The following GABBR2 variants were observed in gnomAD, a reference collection of about 807,000 sequenced individuals.
GABBR2 encodes G-protein coupled receptor 51.
A neutral mutation model predicts 105.6 loss-of-function variants in GABBR2; 23 were observed. The observed-to-expected ratio is 0.22, with a 90% CI of 0.16 to 0.31. GABBR2 has a LOEUF of 0.31. Among genes scored for constraint, GABBR2 ranks in the 10% least tolerant of loss-of-function variants. The pLI is 1.00. For synonymous variants in GABBR2, 478 were observed against 499.7 expected (o/e 0.96, Z 0.58); for missense variants, 734 against 1,245.5 (o/e 0.59, Z 6.18).
rs893639800 is a variant in GABBR2 at position 98,652,570 on chromosome 9, A to C, written c.321+55847T>G. Among the ~76,000 whole-genome samples, 19 of 152,278 alleles carry C rather than the reference A, an allele frequency of 1.2e-4. 1 individual carries two copies. Among genetic ancestry groups the C allele is most frequent in the Admixed American group, 1.0e-3 (16 of 15,304 alleles). ...AGCTCCCAGCCTCCTCATGCTCTAGAAAAAGCTCTGCCTTCTCCCACACCC... is the reference window on the plus strand; with the variant it reads ...AGCTCCCAGCCTCCTCATGCTCTAGCAAAAGCTCTGCCTTCTCCCACACCC... On this transcript the variant is annotated intron_variant, in intron 1 of 18. Transcript: ENST00000259455.
chr9:98,498,772 A>G (rs1323735859), intron 3 of GABBR2, among the ~76,000 whole-genome samples: 1 of 152,152 alleles, frequency 6.6e-6, no homozygotes, highest in Admixed American at 6.5e-5. Context: ...AATGGGGGGA[A>G]AAAGTTAACT....
At chr9:98,403,213 G>A (rs1347153552) in intron 8 of GABBR2, among the ~76,000 whole-genome samples, 2 of 139,774 alleles carry the variant, frequency 1.4e-5, no homozygotes, top group African/African-American at 5.4e-5. Flanking sequence ...AGAATCACTC[G>A]AACCCAGGAG....
chr9:98,573,036 C>T (rs932949247), intron 2 of GABBR2, among the ~76,000 whole-genome samples: 3 of 152,212 alleles, frequency 2.0e-5, no homozygotes, highest in African/African-American at 7.2e-5. Flanking sequence ...GTCCACCGCC[C>T]TCCCTGCCCT....
At chr9:98,375,094 G>A (rs1431263557) in intron 11 of GABBR2, 2 of 152,226 alleles carry the variant, frequency 1.3e-5, no homozygotes, top group African/African-American at 2.4e-5. Context: ...GCCCCACAGA[G>A]CCCTCAGGTT....
At chr9:98,647,609 C>T (rs72743828) in intron 1 of GABBR2, among the ~76,000 whole-genome samples, 11,426 of 152,212 alleles carry the variant, frequency 0.075, 468 homozygotes, top group African/African-American at 0.09. Flanking sequence ...CGGGTTGTGC[C>T]CTATCCCCCT....
At chr9:98,572,455 TACA>T (rs769686655) in intron 2 of GABBR2, among the ~76,000 whole-genome samples, 1 of 152,196 alleles carries the variant, frequency 6.6e-6, no homozygotes, top group Non-Finnish European at 1.5e-5. Context: ...CCTTTTCAAT[TACA>T]CAAATTCCAT....
intron 1 of GABBR2, among the ~76,000 whole-genome samples, chr9:98,615,669 G>A (rs765773543): frequency 1.3e-5 from 2 of 152,066 alleles, no homozygotes; most frequent in South Asian, 2.1e-4. Flanking sequence ...AATCGGTGTC[G>A]ACCCCCTGCT....
At chr9:98,575,930 C>T (rs1245234252) in intron 2 of GABBR2, among the ~76,000 whole-genome samples, 2 of 152,202 alleles carry the variant, frequency 1.3e-5, no homozygotes, top group Admixed American at 6.5e-5. Flanking sequence ...TCTGCAGCGG[C>T]GCTCTCCCCC....
intron 3 of GABBR2, 27 bp downstream of exon 3, chr9:98,541,846 G>T: frequency 6.2e-7 from 1 of 1,610,678 alleles, no homozygotes; most frequent in Non-Finnish European, 8.5e-7. Flanking sequence ...CAGTAAGGCA[G>T]GCCGTGTCCA....
chr9:98,504,821 T>TGCCCTCTGCCTCTTAGCTGAA (rs1827472472), intron 3 of GABBR2, among the ~76,000 whole-genome samples: 1 of 152,210 alleles, frequency 6.6e-6, no homozygotes, highest in Non-Finnish European at 1.5e-5. Context: ...GTAGCTAAGA[T>TGCCCTCTGCCTCTTAGCTGAA]GCTAATTAGG....
At chr9:98,579,212 T>C (rs1276992199) in intron 1 of GABBR2, among the ~76,000 whole-genome samples, 1 of 152,238 alleles carries the variant, frequency 6.6e-6, no homozygotes, top group Non-Finnish European at 1.5e-5. Context: ...AGGACTACTC[T>C]GTGTTCAGTC....
In GABBR2 at chr9:98,473,216, G is replaced by A; in HGVS notation, c.929C>T (p.Ala310Val). 6.2e-7 allele frequency: 1 copy of A among 1,613,890 alleles called. No homozygotes were observed. The highest frequency in any genetic ancestry group is 8.5e-7 in the Non-Finnish European group (1 of 1,179,910). The change falls in exon 6 of 19, where the codon GCC becomes GTC. Residue 310 changes from alanine to valine, a missense_variant. Transcript: ENST00000259455. ...SRCLRKNLLA[A>V]MEGYIGVDFE... ...ATCCACGCCAATGTAGCCCTCCATG[G>A]CAGCAAGCAGATTCTTCCGGAGGCA... is the stretch of plus-strand genomic sequence containing the variant.
rs1477066329 is a variant in GABBR2, at chr9:98,388,124, C to A, written c.1529+730G>T. Among the ~76,000 whole-genome samples the A allele has an allele frequency of 6.6e-6, 1 of 152,216 alleles. No homozygotes were observed. The highest frequency in any genetic ancestry group is 2.4e-5 in the African/African-American group (1 of 41,470). ...AGAAGCAAAATGCACTTGGTAAAAA[C>A]CACCGCCTGGAGTGGCGGCCTGTTC... On this transcript the variant is annotated intron_variant, in intron 10 of 18. Transcript: ENST00000259455. This position sits in a 1 kb window ranked among gnomAD's most constrained non-coding sequence, Gnocchi z 4.4.
intron 6 of GABBR2, among the ~76,000 whole-genome samples, chr9:98,464,245 C>T (rs933821864): frequency 2.6e-5 from 4 of 151,516 alleles, no homozygotes; most frequent in African/African-American, 9.7e-5. Flanking sequence ...TCTGCCTGGC[C>T]GCCCCGTCTG....
At chr9:98,420,384 C>T (rs1832761989) in intron 7 of GABBR2, among the ~76,000 whole-genome samples, 1 of 152,194 alleles carries the variant, frequency 6.6e-6, no homozygotes, top group Non-Finnish European at 1.5e-5. Context: ...TGTGCTCATC[C>T]CTGCTGCCAG....
intron 7 of GABBR2, among the ~76,000 whole-genome samples, chr9:98,425,064 T>G (rs144345545): frequency 6.6e-6 from 1 of 151,746 alleles, no homozygotes; most frequent in African/African-American, 2.4e-5. Context: ...CACTGCTTAA[T>G]GAAAAGGAAG....
chr9:98,445,879 A>G (rs1289436514), intron 7 of GABBR2, among the ~76,000 whole-genome samples: 1 of 152,238 alleles, frequency 6.6e-6, no homozygotes, highest in African/African-American at 2.4e-5. Flanking sequence ...CACCATCAGC[A>G]TCTGCTGCAA....
chr9:98,389,370 C>T (rs1564045927), intron 9 of GABBR2, among the ~76,000 whole-genome samples: 2 of 152,316 alleles, frequency 1.3e-5, no homozygotes, highest in East Asian at 3.9e-4. Flanking sequence ...CCGTGGGTGC[C>T]TTCGGGGATG....
intron 3 of GABBR2, among the ~76,000 whole-genome samples, chr9:98,529,160 G>GA (rs11421284): frequency 0.15 from 21,836 of 145,828 alleles, 2,400 homozygotes; most frequent in African/African-American, 0.31. Context: ...AAAATGTTAA[G>GA]AAAAAAAAAA....
Sources: allele counts gnomAD v4.1 joint callset (sites outside exome capture counted in the v4.1 genomes callset), GRCh38; gene constraint gnomAD v4.1.1; non-coding constraint Gnocchi (gnomAD v3.1); transcripts MANE v1.5; gene names NCBI Gene and HGNC (gene_info 2026-07-23, HGNC 2026-07-21).